Variants in NIT2 observed in about 807,000 individuals in gnomAD.
NIT2 encodes the protein nitrilase family member 2, also known as omega-amidase NIT2.
NIT2 carries 46 observed loss-of-function variants against 42.7 expected under a neutral mutation model. The observed-to-expected ratio is 1.08, with a 90% CI of 0.85 to 1.38. The LOEUF (loss-of-function observed/expected upper bound fraction) is 1.38, where lower values mean the gene tolerates loss of function less well. Ranked by LOEUF, NIT2 falls within the 40% of genes most tolerant of loss-of-function variation. The pLI is 0.00. For missense variants in NIT2, 309 were observed against 342.5 expected (o/e 0.90, Z 0.77); for synonymous variants, 123 against 121.9 (o/e 1.01, Z -0.06).
Position 100,357,908 on chromosome 3 carries a change from C to T in NIT2, c.*2640C>T, listed in dbSNP as rs558704625. 1 of 151,948 alleles carries T rather than the reference C, an allele frequency of 6.6e-6. No homozygotes were observed. The highest frequency in any genetic ancestry group is 2.4e-5 in the African/African-American group (1 of 41,436). The allele number at this position is 151,948 out of a possible 1,614,324, so 9.4% of individuals were successfully genotyped here. ...CCACCTGCCTTAGCCTCCCAAAATGCTAGGATTAGAGGCGTGAGCCACCGC... is the reference window on the plus strand; with the variant it reads ...CCACCTGCCTTAGCCTCCCAAAATGTTAGGATTAGAGGCGTGAGCCACCGC... On this transcript the variant is annotated 3_prime_UTR_variant, in exon 10 of 10. Coordinates refer to ENST00000394140, the MANE Select transcript of NIT2 (RefSeq NM_020202.5).
intron 5 of NIT2, 68 bp from the exon 6 acceptor site, chr3:100,346,113 G>T: frequency 8.1e-7 from 1 of 1,240,262 alleles, no homozygotes; most frequent in South Asian, 1.2e-5. Context: ...TGTCATGGAG[G>T]ATTTCCCCTG....
At position 100,341,037 on chromosome 3, in the gene NIT2, C is replaced by G. The variant is rs201492630; in HGVS notation, c.248-36C>G. On this transcript the variant is annotated intron_variant, in intron 3 of 9. Transcript: ENST00000394140. ...TTTCTCACAAAAGAATTGCTCTATT[C>G]TTTTTCTTATGGTATGTTTCTTCTC... 3.9e-5 allele frequency: 56 copies of G among 1,442,414 alleles called. No individual in the cohort carries two copies. The African/African-American group carries it at 6.3e-4, about 16-fold the overall frequency. 89.4% of individuals were successfully genotyped at this position (1,442,414 alleles called of 1,614,324 possible). A position where few individuals can be genotyped will look rare whatever the true frequency, so the allele number is the denominator to read the frequency against.
chr3:100,334,759 T>G lies in NIT2; in HGVS notation c.-33T>G, dbSNP rs1706046522. 7.7e-7 allele frequency: 1 copy of G among 1,293,346 alleles called. No individual in the cohort carries two copies. Among genetic ancestry groups the G allele is most frequent in the East Asian group, 2.9e-5 (1 of 34,744 alleles). The allele number at this position is 1,293,346 out of a possible 1,614,324, so 80.1% of individuals were successfully genotyped here. ...GGTCCGCCGGATCTCCAGCGCTCAG[T>G]CCGCGCCGCAGGTGGTGCTTGTCTG... On this transcript the variant is annotated 5_prime_UTR_variant, in exon 1 of 10. Coordinates refer to ENST00000394140, the MANE Select transcript of NIT2 (RefSeq NM_020202.5).
At chr3:100,344,285 A>C (rs575066518) in intron 4 of NIT2, among the ~76,000 whole-genome samples, 1 of 152,186 alleles carries the variant, frequency 6.6e-6, no homozygotes. Flanking sequence ...CTGCTTCCAC[A>C]TGTCTGTGTT....
rs886171839 is a variant in NIT2 at position 100,360,636 on chromosome 3, C to A, written c.*5368C>A. 2 of 152,172 alleles carry A rather than the reference C, an allele frequency of 1.3e-5. No individual in the cohort carries two copies. Among genetic ancestry groups the A allele is most frequent in the Non-Finnish European group, 2.9e-5 (2 of 68,028 alleles). 9.4% of individuals were successfully genotyped at this position (152,172 alleles called of 1,614,324 possible). A position where few individuals can be genotyped will look rare whatever the true frequency, so the allele number is the denominator to read the frequency against. On this transcript the variant is annotated 3_prime_UTR_variant, in exon 10 of 10. Transcript: ENST00000394140. ...CACCTGATGCTCAGGCCAGTAATTT[C>A]TCCCTGCATCATGCTGTTGTCTAAG...
intron 4 of NIT2, among the ~76,000 whole-genome samples, chr3:100,344,266 G>C (rs1479110621): frequency 1.3e-5 from 2 of 152,108 alleles, no homozygotes; most frequent in Non-Finnish European, 2.9e-5. Flanking sequence ...GTTCACCCAG[G>C]GCTGTTCCCT....
At chr3:100,337,613 C>G (rs1706093635) in intron 1 of NIT2, among the ~76,000 whole-genome samples, 1 of 152,160 alleles carries the variant, frequency 6.6e-6, no homozygotes, top group South Asian at 2.1e-4. Context: ...ACCACCACAC[C>G]TGGCTAATTT....
chr3:100,337,357 C>T (rs919623473), intron 1 of NIT2, among the ~76,000 whole-genome samples: 1 of 152,194 alleles, frequency 6.6e-6, no homozygotes, highest in Non-Finnish European at 1.5e-5. Flanking sequence ...TTTACTGCTG[C>T]GTCCCACCAG....
At chr3:100,336,562 A>G (rs1706074971) in intron 1 of NIT2, among the ~76,000 whole-genome samples, 1 of 152,108 alleles carries the variant, frequency 6.6e-6, no homozygotes, top group South Asian at 2.1e-4. Flanking sequence ...TAGTGGAGAG[A>G]AGGTCAGCAG....
chr3:100,339,984 G>C, intron 3 of NIT2, 49 bp downstream of exon 3: 1 of 1,558,146 alleles, frequency 6.4e-7, no homozygotes, highest in Non-Finnish European at 8.7e-7. Flanking sequence ...AGAAACATCT[G>C]AATGAGTCAG....
chr3:100,339,559 C>T (rs1286120275), intron 2 of NIT2, among the ~76,000 whole-genome samples: 6 of 151,814 alleles, frequency 4.0e-5, no homozygotes, highest in Non-Finnish European at 8.8e-5. Context: ...AGCACTAAGC[C>T]TCCAACATTT....
rs201912363 is a variant in NIT2, at chr3:100,354,772, G to T, written c.684G>T (p.Trp228Cys). The T allele has an allele frequency of 1.8e-5, 29 of 1,606,612 alleles. No homozygotes were observed. Among genetic ancestry groups the T allele is most frequent in the East Asian group, 6.7e-5 (3 of 44,716 alleles). The change falls in exon 9 of 10, where the codon TGG becomes TGT. Residue 228 changes from tryptophan (W) to cysteine (C), a missense_variant and splice_region_variant. By Grantham distance (215) the Trp-to-Cys change is radical. Transcript: ENST00000394140. The part of the protein sequence containing the change: ...AWGHSTVVNP[W>C]GEVLAKAGTE... ...TCATTCTCTTCTGCATCTTTTTCAG[G>T]GGGGAGGTTCTAGCCAAAGCTGGCA... is the stretch of plus-strand genomic sequence containing the variant.
At chr3:100,346,407 T>A (rs141064916) in intron 6 of NIT2, 152 bp downstream of exon 6, 44 of 643,344 alleles carry the variant, frequency 6.8e-5, no homozygotes, top group African/African-American at 5.7e-4. Flanking sequence ...CCCAGACTTT[T>A]GCTGTGTATG....
At chr3:100,342,210 G>A (rs1706164529) in intron 4 of NIT2, among the ~76,000 whole-genome samples, 1 of 152,006 alleles carries the variant, frequency 6.6e-6, no homozygotes, top group Admixed American at 6.6e-5. Context: ...CCTAATGTTT[G>A]CTGGTACGTG....
In NIT2 at chr3:100,356,823, A is replaced by G. The variant is rs1027399257; in HGVS notation, c.*1555A>G. The G allele has an allele frequency of 2.0e-5, 3 of 152,178 alleles. No individual in the cohort carries two copies. The highest frequency in any genetic ancestry group is 4.8e-5 in the African/African-American group (2 of 41,450). The allele number at this position is 152,178 out of a possible 1,614,324, so 9.4% of individuals were successfully genotyped here. ...TCAATCACTGATAAATTTTATTACTATAGATTAGCTTGCATTTTCTAAAAT... is the reference window on the plus strand; with the variant it reads ...TCAATCACTGATAAATTTTATTACTGTAGATTAGCTTGCATTTTCTAAAAT... On this transcript the variant is annotated 3_prime_UTR_variant, in exon 10 of 10. Coordinates refer to ENST00000394140, the MANE Select transcript of NIT2 (RefSeq NM_020202.5).
Position 100,360,851 on chromosome 3 carries a change from A to G in NIT2, c.*5583A>G, listed in dbSNP as rs1433233986. The G allele has an allele frequency of 1.3e-5, 2 of 152,218 alleles. No individual in the cohort carries two copies. Among genetic ancestry groups the G allele is most frequent in the African/African-American group, 2.4e-5 (1 of 41,452 alleles). 9.4% of individuals were successfully genotyped at this position (152,218 alleles called of 1,614,324 possible). A position where few individuals can be genotyped will look rare whatever the true frequency, so the allele number is the denominator to read the frequency against. On this transcript the variant is annotated 3_prime_UTR_variant, in exon 10 of 10. Coordinates refer to ENST00000394140, the MANE Select transcript of NIT2 (RefSeq NM_020202.5). ...GGTAGAGACTATCTTCCTCTGGATC[A>G]TAGGACAGGTTTGTTTACTATCTGA...
chr3:100,340,030 A>ATACAG, intron 3 of NIT2, 95 bp downstream of exon 3: 2 of 1,054,796 alleles, frequency 1.9e-6, no homozygotes, highest in Non-Finnish European at 2.7e-6. Flanking sequence ...CTACTTGGGA[A>ATACAG]GCTTCAGCTT....
chr3:100,351,185 A>G (rs1706268630), intron 7 of NIT2, among the ~76,000 whole-genome samples: 1 of 152,214 alleles, frequency 6.6e-6, no homozygotes, highest in African/African-American at 2.4e-5. Flanking sequence ...ATGTGTCTTT[A>G]TAGCAGCATG....
intron 4 of NIT2, among the ~76,000 whole-genome samples, chr3:100,343,650 G>A (rs1185182987): frequency 6.6e-6 from 1 of 152,080 alleles, no homozygotes; most frequent in African/African-American, 2.4e-5. Flanking sequence ...TTCTATAGCT[G>A]CTTTAAAGTC....
Sources: gnomAD v4.1 joint callset for allele counts (sites outside exome capture counted in the v4.1 genomes callset) on GRCh38, gnomAD v4.1.1 for gene constraint, MANE v1.5 for transcripts, NCBI Gene and HGNC (gene_info 2026-07-23, HGNC 2026-07-21) for gene names.